The following COL6A6 variants were observed in gnomAD, a reference collection of about 807,000 sequenced individuals.
COL6A6 encodes the protein collagen alpha-6(VI) chain.
Under a neutral mutation model 208.6 loss-of-function variants are expected in COL6A6, and 183 were observed. The observed-to-expected ratio is 0.88, with a 90% confidence interval of 0.78 to 0.99. The LOEUF (loss-of-function observed/expected upper bound fraction) is 0.99, where lower values mean the gene tolerates loss of function less well. COL6A6 is among the 50% of genes least tolerant of loss of function. The pLI, the probability that COL6A6 is intolerant of heterozygous loss-of-function variation, is 0.00. For missense variants in COL6A6, 2,816 were observed against 2,815.2 expected (o/e 1.00, Z -0.01); for synonymous variants, 973 against 1,011.8 (o/e 0.96, Z 0.73).
intron 1 of COL6A6, among the ~76,000 whole-genome samples, chr3:130,526,002 T>C (rs2061953447): frequency 6.6e-6 from 1 of 152,208 alleles, no homozygotes; most frequent in South Asian, 2.1e-4. Flanking sequence ...AAGCATTTTT[T>C]TTTAATGTAC....
intron 33 of COL6A6, among the ~76,000 whole-genome samples, chr3:130,650,834 G>A (rs2065620122): frequency 6.6e-6 from 1 of 152,140 alleles, no homozygotes; most frequent in Non-Finnish European, 1.5e-5. Flanking sequence ...GATTTACTGG[G>A]CATGAATTAA....
chr3:130,589,110 A>T lies in COL6A6; in HGVS notation c.4146A>T (p.Thr1382=), dbSNP rs1441635427. 3 of 1,613,712 alleles carry T rather than the reference A, an allele frequency of 1.9e-6. No individual in the cohort carries two copies. In the South Asian group the frequency reaches 3.3e-5, roughly 18 times the overall value. The change falls in exon 12 of 37, where the codon ACA becomes ACT. Residue 1382 remains threonine, a synonymous_variant. Coordinates refer to ENST00000358511, the MANE Select transcript of COL6A6 (RefSeq NM_001102608.3). ...CCAAGGTCAATGTTGCTGAAAGGAC[A>T]TGCTGCTGTTTGTTCTGCAAGTGCA... ...SKQLVNVAER[T]CCCLFCKCIG...
Position 130,662,168 on chromosome 3 carries a change from GC to G in COL6A6, c.6365del (p.Pro2122LeufsTer35), listed in dbSNP as rs754547111. 7.9e-5 allele frequency: 127 copies of G among 1,613,822 alleles called. No individual in the cohort carries two copies. Among genetic ancestry groups the G allele is most frequent in the Non-Finnish European group, 1.1e-4 (125 of 1,179,880 alleles). On this transcript the variant is annotated frameshift_variant, in exon 35 of 37. Coordinates refer to ENST00000358511, the MANE Select transcript of COL6A6 (RefSeq NM_001102608.3). LOFTEE classifies it high-confidence loss of function. ...QGYALFVFSL[G>X]PIWDDKELED... The stretch of plus-strand genomic sequence containing the variant: ...TATGCCTTATTTGTGTTTTCCCTTG[GC>G]CCTATTTGGGATGACAAGGAACTGG...
intron 1 of COL6A6, among the ~76,000 whole-genome samples, chr3:130,535,775 C>A (rs2062210290): frequency 6.6e-6 from 1 of 152,194 alleles, no homozygotes; most frequent in Non-Finnish European, 1.5e-5. Flanking sequence ...TCTATCTACT[C>A]TTCACCAGAC....
Position 130,571,281 on chromosome 3 carries a change from G to A in COL6A6, c.2865G>A (p.Glu955=), listed in dbSNP as rs1203860182. ...AVGIDGANPV[E]LLAMAGSSDK... ...GGATTGATGGTGCCAATCCCGTGGAGCTGTTAGCCATGGCAGGATCAAGCG... is the reference window on the plus strand; with the variant it reads ...GGATTGATGGTGCCAATCCCGTGGAACTGTTAGCCATGGCAGGATCAAGCG... The change falls in exon 7 of 37, where the codon GAG becomes GAA. Residue 955 remains glutamate (E), a synonymous_variant. Transcript: ENST00000358511. 5.0e-6 allele frequency: 8 copies of A among 1,614,034 alleles called. No homozygotes were observed. The highest frequency in any genetic ancestry group is 6.8e-6 in the Non-Finnish European group (8 of 1,179,892).
intron 12 of COL6A6, among the ~76,000 whole-genome samples, chr3:130,590,299 ATTTTTTTTTTTTTTTTTT>A (rs71133610): frequency 5.5e-4 from 5 of 9,174 alleles, no homozygotes; most frequent in African/African-American, 1.3e-3. Context: ...ATATATATAT[ATTTTTTTTTTTTTTTTTT>A]TTTTTTTTTT....
At chr3:130,672,953 G>T (rs2108498280) in intron 36 of COL6A6, among the ~76,000 whole-genome samples, 1 of 149,588 alleles carries the variant, frequency 6.7e-6, no homozygotes, top group South Asian at 2.1e-4. Flanking sequence ...AAAGGTTGCA[G>T]TAAGCCGGGA....
intron 1 of COL6A6, among the ~76,000 whole-genome samples, chr3:130,524,238 G>GGT (rs1328663184): frequency 6.6e-6 from 1 of 152,136 alleles, no homozygotes; most frequent in Admixed American, 6.5e-5. Context: ...ACATAATTGG[G>GGT]GTGGAAATTG....
At position 130,592,366 on chromosome 3, in the gene COL6A6, T is replaced by C. The variant is rs1049147718; in HGVS notation, c.4273-175T>C. Among the ~76,000 whole-genome samples, 26 of 152,340 alleles carry C rather than the reference T, an allele frequency of 1.7e-4. 2 individuals carry two copies. The highest frequency in any genetic ancestry group is 1.8e-4 in the Non-Finnish European group (12 of 68,032). The stretch of plus-strand genomic sequence containing the variant: ...AAGTGGGATCCAAAGCAAAGGGCTG[T>C]CTATCATCAGGGTATCTCTGATTTA... On this transcript the variant is annotated intron_variant, in intron 13 of 36. Transcript: ENST00000358511.
rs150151192 is a variant in COL6A6, at chr3:130,675,711, A to C, written c.*314A>C. 5.0e-6 allele frequency: 1 copy of C among 200,712 alleles called. No individual in the cohort carries two copies. The highest frequency in any genetic ancestry group is 2.3e-5 in the African/African-American group (1 of 43,432). 12.4% of individuals were successfully genotyped at this position (200,712 alleles called of 1,614,324 possible). A position where few individuals can be genotyped will look rare whatever the true frequency, so the allele number is the denominator to read the frequency against. On this transcript the variant is annotated 3_prime_UTR_variant, in exon 37 of 37. Transcript: ENST00000358511. ...ATGTATGCATATGTGTACATGGGTC[A>C]ATGTTAATTCTTTTATCTCTGTCCA... is the stretch of plus-strand genomic sequence containing the variant.
chr3:130,582,095 G>C, intron 10 of COL6A6, 27 bp downstream of exon 10: 1 of 1,384,960 alleles, frequency 7.2e-7, no homozygotes, highest in African/African-American at 1.5e-5. Context: ...AGTGGGAAGG[G>C]AGTGCTTATT....
intron 1 of COL6A6, among the ~76,000 whole-genome samples, chr3:130,518,926 T>C (rs1022829907): frequency 2.0e-5 from 3 of 152,214 alleles, no homozygotes; most frequent in African/African-American, 7.2e-5. Flanking sequence ...TCATGAAAGA[T>C]GTTAGGTTAA....
chr3:130,650,680 A>T (rs2065616177), intron 33 of COL6A6, among the ~76,000 whole-genome samples: 1 of 152,190 alleles, frequency 6.6e-6, no homozygotes, highest in East Asian at 1.9e-4. Context: ...GACAAGAAAC[A>T]ATCATTGTCT....
At position 130,611,467 on chromosome 3, in the gene COL6A6, TCTC is replaced by T. The variant is rs545157120; in HGVS notation, c.4815+762_4815+764del. On this transcript the variant is annotated intron_variant, in intron 23 of 36. Coordinates refer to ENST00000358511, the MANE Select transcript of COL6A6 (RefSeq NM_001102608.3). ...TTATTTGTTTAGCTGTTTGCCTGTC[TCTC>T]CTCCTAGATTGCAAGCTCCATAAAA... Among the ~76,000 whole-genome samples, 326 of 152,312 alleles carry T rather than the reference TCTC, an allele frequency of 2.1e-3. 1 individual carries two copies. The highest frequency in any genetic ancestry group is 7.4e-3 in the African/African-American group (306 of 41,550).
chr3:130,622,123 G>A (rs1305595852), intron 24 of COL6A6, among the ~76,000 whole-genome samples: 2 of 151,960 alleles, frequency 1.3e-5, no homozygotes, highest in Non-Finnish European at 2.9e-5. Context: ...TGGAGCTGAG[G>A]GATCTCAGGG....
intron 23 of COL6A6, among the ~76,000 whole-genome samples, chr3:130,613,889 T>C (rs951807305): frequency 6.6e-6 from 1 of 152,234 alleles, no homozygotes; most frequent in African/African-American, 2.4e-5. Flanking sequence ...TTGCTAAAGT[T>C]GTTTATCAGA....
At chr3:130,593,671 C>G (rs777816706) in intron 17 of COL6A6, among the ~76,000 whole-genome samples, 1 of 152,174 alleles carries the variant, frequency 6.6e-6, no homozygotes, top group Non-Finnish European at 1.5e-5. Context: ...TTGCCAAACT[C>G]AGAGGAAGGG....
chr3:130,581,053 T>A (rs555728155), intron 8 of COL6A6, among the ~76,000 whole-genome samples: 2 of 152,054 alleles, frequency 1.3e-5, no homozygotes, highest in African/African-American at 4.8e-5. Context: ...ACAAGAGGAA[T>A]CAAAAAGGCC....
chr3:130,639,043 T>G (rs564805845), intron 28 of COL6A6, among the ~76,000 whole-genome samples: 16 of 152,330 alleles, frequency 1.1e-4, no homozygotes, highest in African/African-American at 3.8e-4. Flanking sequence ...TATTCCCTAT[T>G]TATAAAATAC....
Sources: gnomAD v4.1 joint callset for allele counts (sites outside exome capture counted in the v4.1 genomes callset) on GRCh38, gnomAD v4.1.1 for gene constraint, MANE v1.5 for transcripts, NCBI Gene and HGNC (gene_info 2026-07-23, HGNC 2026-07-21) for gene names.